Variants in NUP35 observed in about 807,000 individuals in gnomAD.
NUP35 encodes the protein nucleoporin 35.
NUP35 carries 25 observed loss-of-function variants against 41.5 expected under a neutral mutation model. The ratio of observed to expected loss-of-function variants is 0.60; its 90% CI spans 0.44 to 0.84. The LOEUF (loss-of-function observed/expected upper bound fraction) is 0.84. Among genes scored for constraint, NUP35 ranks in the 40% least tolerant of loss-of-function variants. The pLI, the probability that NUP35 is intolerant of heterozygous loss-of-function variation, is 0.00. For missense variants in NUP35, 396 were observed against 396.6 expected (o/e 1.00, Z 0.01); for synonymous variants, 149 against 130.7 (o/e 1.14, Z -0.96).
chr2:183,124,603 G>T, intron 1 of NUP35, 106 bp downstream of exon 1: 1 of 1,445,228 alleles, frequency 6.9e-7, no homozygotes. Context: ...GCTGGTTTCA[G>T]TCGCGGAGAG....
intron 4 of NUP35, among the ~76,000 whole-genome samples, chr2:183,144,145 A>G (rs901328231): frequency 6.6e-6 from 1 of 152,238 alleles, no homozygotes; most frequent in South Asian, 2.1e-4. Flanking sequence ...AGGAAGACAC[A>G]TAGGGTGACG....
intron 4 of NUP35, among the ~76,000 whole-genome samples, chr2:183,134,093 A>T (rs1362607442): frequency 6.6e-6 from 1 of 152,262 alleles, no homozygotes; most frequent in African/African-American, 2.4e-5. Flanking sequence ...AATGCCGTTG[A>T]ATAGAAGCAA....
chr2:183,129,006 G>C (rs954922256), intron 2 of NUP35, among the ~76,000 whole-genome samples: 1 of 152,192 alleles, frequency 6.6e-6, no homozygotes, highest in African/African-American at 2.4e-5. Flanking sequence ...CTGTGTCGGA[G>C]ATGTCAGAGT....
Position 183,157,504 on chromosome 2 carries a change from A to G in NUP35, c.600A>G (p.Leu200=), listed in dbSNP as rs769417114. Residue 200 remains leucine (L), a synonymous_variant, in exon 6 of 9, where the codon TTA becomes TTG. Transcript: ENST00000295119. The part of the protein sequence containing the change: ...LLQFAQYGNI[L]KHVMSNTGNW... Reference sequence around the variant, plus strand: ...AATTTGCACAGTATGGGAATATCTTAAAACATGTGGTAAGGCTTAATTTTT... The same window carrying G: ...AATTTGCACAGTATGGGAATATCTTGAAACATGTGGTAAGGCTTAATTTTT... 6.2e-7 allele frequency: 1 copy of G among 1,607,762 alleles called. No individual in the cohort carries two copies. Among genetic ancestry groups the G allele is most frequent in the Non-Finnish European group, 8.5e-7 (1 of 1,174,516 alleles).
At chr2:183,124,264 C>T (rs75728791), upstream of NUP35, 11,355 of 1,371,374 alleles carry the variant, frequency 8.3e-3, 544 homozygotes, top group African/African-American at 0.12. Flanking sequence ...TGCAAAAACC[C>T]TTTCCTCGGA....
chr2:183,151,344 T>C (rs1042750527), intron 4 of NUP35, among the ~76,000 whole-genome samples, 164 bp from the exon 5 acceptor site: 2 of 152,242 alleles, frequency 1.3e-5, no homozygotes, highest in African/African-American at 2.4e-5. Context: ...CTTCCTCTAA[T>C]TGTATGGTAG....
intron 4 of NUP35, among the ~76,000 whole-genome samples, chr2:183,144,937 C>T (rs539211472): frequency 2.0e-5 from 3 of 152,206 alleles, no homozygotes; most frequent in South Asian, 2.1e-4. Flanking sequence ...AAGGTTGTAA[C>T]GGTTGTCACA....
Position 183,133,560 on chromosome 2 carries a change from G to A in NUP35, c.340-6G>A, listed in dbSNP as rs1308675813. 29 of 1,599,390 alleles carry A rather than the reference G, an allele frequency of 1.8e-5. No individual in the cohort carries two copies. The highest frequency in any genetic ancestry group is 2.5e-5 in the Non-Finnish European group (29 of 1,174,288). ...TTTACCATAACACTTTCTTCTGTTT[G>A]TGTAGCCAAACATTTCAGTAATGCA... On this transcript the variant is annotated splice_region_variant and splice_polypyrimidine_tract_variant and intron_variant, in intron 3 of 8. Transcript: ENST00000295119.
chr2:183,146,819 A>T (rs930439087), intron 4 of NUP35, among the ~76,000 whole-genome samples: 1 of 151,878 alleles, frequency 6.6e-6, no homozygotes, highest in South Asian at 2.1e-4. Context: ...CTTGTCTCGA[A>T]CTCGTGACCT....
upstream of NUP35, among the ~76,000 whole-genome samples, chr2:183,124,171 G>A (rs1032931853): frequency 6.6e-6 from 1 of 152,210 alleles, no homozygotes; most frequent in African/African-American, 2.4e-5. Flanking sequence ...GTGCTTCTAT[G>A]TAACTTAAGT....
chr2:183,119,282 C>T (rs554508455), intron 1 of NUP35, among the ~76,000 whole-genome samples: 73 of 152,236 alleles, frequency 4.8e-4, no homozygotes, highest in South Asian at 3.1e-3. Flanking sequence ...CCTACTGTAA[C>T]CATTTATTTT....
chr2:183,151,544 C>T lies in NUP35; in HGVS notation c.434C>T (p.Pro145Leu). The T allele has an allele frequency of 6.2e-7, 1 of 1,613,906 alleles. No homozygotes were observed. Among genetic ancestry groups the T allele is most frequent in the Non-Finnish European group, 8.5e-7 (1 of 1,179,880 alleles). Residue 145 changes from proline (P) to leucine (L), a missense_variant, in exon 5 of 9, where the codon CCA (proline) becomes CTA (leucine). Transcript: ENST00000295119. ...SMFSPASIGQ[P>L]RKTTLSPAQL... ...TTTAGTCCAGCAAGTATCGGTCAGCCACGAAAGACGACATTATCTCCTGCC... is the reference window on the plus strand; with the variant it reads ...TTTAGTCCAGCAAGTATCGGTCAGCTACGAAAGACGACATTATCTCCTGCC...
chr2:183,138,269 A>ATTTTTTTTT (rs147315571), intron 4 of NUP35, among the ~76,000 whole-genome samples: 25 of 80,666 alleles, frequency 3.1e-4, no homozygotes, highest in African/African-American at 4.9e-4. Context: ...ATATATATAT[A>ATTTTTTTTT]TTTTTTTTTT....
chr2:183,136,240 T>A (rs1032307646), intron 4 of NUP35, among the ~76,000 whole-genome samples: 6 of 152,246 alleles, frequency 3.9e-5, no homozygotes, highest in African/African-American at 1.2e-4. Context: ...CTGTACTAGT[T>A]TTCTGTAGTT....
chr2:183,160,974 T>C (rs1685852593), intron 8 of NUP35, 80 bp from the exon 9 acceptor site: 1 of 1,049,604 alleles, frequency 9.5e-7, no homozygotes, highest in Non-Finnish European at 1.4e-6. Context: ...GTTTCTCTTT[T>C]AAATGAGCAA....
chr2:183,148,393 A>G (rs746887107), intron 4 of NUP35, among the ~76,000 whole-genome samples: 1 of 152,196 alleles, frequency 6.6e-6, no homozygotes, highest in Admixed American at 6.5e-5. Flanking sequence ...ATGGCTTTCT[A>G]TAGAGGTTGT....
intron 3 of NUP35, chr2:183,130,895 A>G: frequency 2.1e-6 from 2 of 958,292 alleles, no homozygotes; most frequent in Admixed American, 4.0e-5. Context: ...TTTAAAAATT[A>G]TGTGAAAGAA....
At chr2:183,136,318 GTCAGATATCTGGGCTGTTGGTTAGAGC>G (rs1338293743) in intron 4 of NUP35, among the ~76,000 whole-genome samples, 2 of 152,206 alleles carry the variant, frequency 1.3e-5, no homozygotes, top group African/African-American at 4.8e-5. Flanking sequence ...GTTTCTAGAG[GTCAGATATCTGGGCTGTTGGTTAGAGC>G]TCAGATGTCA....
intron 4 of NUP35, among the ~76,000 whole-genome samples, chr2:183,142,953 G>A (rs1201808531): frequency 6.6e-6 from 1 of 151,642 alleles, no homozygotes; most frequent in African/African-American, 2.4e-5. Context: ...TCAGGAGATC[G>A]AGACCGTCCT....
Sources: gnomAD v4.1 joint callset for allele counts (sites outside exome capture counted in the v4.1 genomes callset) on GRCh38, gnomAD v4.1.1 for gene constraint, MANE v1.5 for transcripts, NCBI Gene and HGNC (gene_info 2026-07-23, HGNC 2026-07-21) for gene names.